The following LRRC37A2 variants were observed in gnomAD, a reference collection of about 807,000 sequenced individuals.
LRRC37A2 encodes leucine-rich repeat-containing protein 37A2.
LRRC37A2 carries 9 observed loss-of-function variants against 68.8 expected under a neutral mutation model. That is an observed-to-expected ratio of 0.13 (90% CI 0.08 to 0.23). The LOEUF (loss-of-function observed/expected upper bound fraction) is 0.23, where lower values mean the gene tolerates loss of function less well. Ranked by LOEUF, LRRC37A2 falls within the 10% of genes least tolerant of loss-of-function variation. The pLI is 1.00. For synonymous variants in LRRC37A2, 63 were observed against 367.6 expected (o/e 0.17, Z 9.48); for missense variants, 168 against 950.4 (o/e 0.18, Z 10.82).
At chr17:46,929,550 A>C in the LRRC37A2 span, 2 of 1,568,896 alleles carry the variant, frequency 1.3e-6, no homozygotes, top group Non-Finnish European at 1.8e-6. Flanking sequence ...CTTGCATGGG[A>C]CGCCTGGAGA....
At chr17:46,379,884 T>G in the LRRC37A2 span, among the ~76,000 whole-genome samples, 4 of 44,062 alleles carry the variant, frequency 9.1e-5, 1 homozygote, top group African/African-American at 2.7e-4. Context: ...TTTTTTTTTT[T>G]TTTTTTTTTT....
chr17:46,876,751 C>CA, the LRRC37A2 span: 287 of 1,510,756 alleles, frequency 1.9e-4, 7 homozygotes, highest in Admixed American at 6.0e-3. Context: ...CTGGCACTGC[C>CA]AGGACCTCCT....
At chr17:46,837,720 A>G in the LRRC37A2 span, among the ~76,000 whole-genome samples, 131 of 152,206 alleles carry the variant, frequency 8.6e-4, no homozygotes, top group African/African-American at 3.1e-3. Flanking sequence ...GTTTGGAGGG[A>G]TGGCTCATGG....
the LRRC37A2 span, among the ~76,000 whole-genome samples, chr17:46,823,761 C>T: frequency 1.5e-3 from 227 of 151,640 alleles, 1 homozygote; most frequent in South Asian, 0.024. Flanking sequence ...TTTTGGAAAG[C>T]GATTTGCGGT....
the LRRC37A2 span, among the ~76,000 whole-genome samples, chr17:46,983,185 T>C: frequency 6.6e-6 from 1 of 152,154 alleles, no homozygotes; most frequent in Non-Finnish European, 1.5e-5. Flanking sequence ...ATTGTCTATT[T>C]GCATATTTGG....
the LRRC37A2 span, among the ~76,000 whole-genome samples, chr17:46,912,420 A>G: frequency 2.6e-5 from 4 of 152,314 alleles, no homozygotes; most frequent in East Asian, 7.7e-4. Flanking sequence ...TTAGTCAGTG[A>G]TAAGTGGGGC....
chr17:46,757,369 G>A, the LRRC37A2 span: 1 of 152,612 alleles, frequency 6.6e-6, no homozygotes. Flanking sequence ...CTTGTTAAAT[G>A]AGCTTAATGT....
the LRRC37A2 span, chr17:46,935,033 C>T: frequency 6.2e-7 from 1 of 1,613,038 alleles, no homozygotes; most frequent in Non-Finnish European, 8.5e-7. Context: ...TCACAGGACT[C>T]TGACACCACC....
chr17:46,986,793 C>T, the LRRC37A2 span, among the ~76,000 whole-genome samples: 2 of 152,286 alleles, frequency 1.3e-5, no homozygotes, highest in East Asian at 3.9e-4. Flanking sequence ...ACACAGTGAT[C>T]CTGGCCACTT....
the LRRC37A2 span, chr17:46,728,802 G>T: frequency 3.3e-5 from 35 of 1,062,286 alleles, no homozygotes; most frequent in Non-Finnish European, 3.6e-5. Flanking sequence ...CTGAATGTTT[G>T]GAATATGTAC....
chr17:46,862,021 G>T, the LRRC37A2 span, among the ~76,000 whole-genome samples: 1 of 151,954 alleles, frequency 6.6e-6, no homozygotes, highest in Non-Finnish European at 1.5e-5. Context: ...AAAATAGCTG[G>T]GCGTGGTGAC....
the LRRC37A2 span, among the ~76,000 whole-genome samples, chr17:46,893,877 G>C: frequency 6.6e-6 from 1 of 152,178 alleles, no homozygotes; most frequent in South Asian, 2.1e-4. Context: ...CCAGAGCATG[G>C]ATGTCATGCT....
At chr17:46,492,733 A>T in the LRRC37A2 span, among the ~76,000 whole-genome samples, 1 of 128,104 alleles carries the variant, frequency 7.8e-6, no homozygotes, top group African/African-American at 3.4e-5. Context: ...TGGCTCTGTC[A>T]CCCAGGCTGG....
At chr17:46,751,144 A>C in the LRRC37A2 span, among the ~76,000 whole-genome samples, 2 of 152,214 alleles carry the variant, frequency 1.3e-5, no homozygotes, top group Admixed American at 1.3e-4. Context: ...TTTGTGCAGA[A>C]GCTGGGTAAG....
At chr17:47,034,139 C>A in the LRRC37A2 span, among the ~76,000 whole-genome samples, 10 of 152,198 alleles carry the variant, frequency 6.6e-5, no homozygotes, top group Non-Finnish European at 1.3e-4. Context: ...AGTTCAAGAT[C>A]AGCCTGGGCT....
chr17:46,776,471 C>T, the LRRC37A2 span, among the ~76,000 whole-genome samples: 1 of 152,324 alleles, frequency 6.6e-6, no homozygotes, highest in East Asian at 1.9e-4. Context: ...GTAATAAAAA[C>T]TTCATTATCA....
At chr17:46,813,520 G>A in the LRRC37A2 span, among the ~76,000 whole-genome samples, 11 of 151,792 alleles carry the variant, frequency 7.2e-5, no homozygotes, top group Non-Finnish European at 1.2e-4. Flanking sequence ...TTAGGAATGA[G>A]GGGTGGAGGA....
chr17:46,929,320 T>C, the LRRC37A2 span, among the ~76,000 whole-genome samples: 6 of 152,242 alleles, frequency 3.9e-5, no homozygotes, highest in African/African-American at 1.4e-4. Context: ...ATAATCTGCC[T>C]ATCAGTGTTA....
the LRRC37A2 span, among the ~76,000 whole-genome samples, chr17:46,891,748 CCTT>C: frequency 6.6e-6 from 1 of 152,118 alleles, no homozygotes; most frequent in Non-Finnish European, 1.5e-5. Flanking sequence ...TAGGCCTGGT[CCTT>C]CTTTATCCCC....
Sources: allele counts gnomAD v4.1 joint callset (sites outside exome capture counted in the v4.1 genomes callset), GRCh38; gene constraint gnomAD v4.1.1; transcripts MANE v1.5; gene names NCBI Gene and HGNC (gene_info 2026-07-23, HGNC 2026-07-21).